Variants in TUSC3 observed in about 807,000 individuals in gnomAD.
TUSC3 encodes the protein tumor suppressor candidate 3.
A neutral mutation model predicts 44.8 loss-of-function variants in TUSC3; 45 were observed. That is an observed-to-expected ratio of 1.00 (90% confidence interval 0.79 to 1.29). The LOEUF is 1.29. TUSC3 is among the 50% of genes most tolerant of loss of function. The pLI is 0.00. For synonymous variants in TUSC3, 212 were observed against 152.9 expected (o/e 1.39, Z -2.85); for missense variants, 519 against 437.9 (o/e 1.19, Z -1.65).
At chr8:15,810,393 T>A in the TUSC3 span, among the ~76,000 whole-genome samples, 1 of 152,170 alleles carries the variant, frequency 6.6e-6, no homozygotes, top group African/African-American at 2.4e-5. Context: ...ATCTCTGCAC[T>A]TTGGGAAGCT....
At chr8:15,532,910 C>T (rs1429933669) in intron 2 of TUSC3, among the ~76,000 whole-genome samples, 1 of 152,148 alleles carries the variant, frequency 6.6e-6, no homozygotes, top group African/African-American at 2.4e-5. Context: ...CTCCTGCCTC[C>T]ACTTCTTGAG....
At chr8:15,803,029 A>C in the TUSC3 span, among the ~76,000 whole-genome samples, 1 of 152,192 alleles carries the variant, frequency 6.6e-6, no homozygotes, top group Non-Finnish European at 1.5e-5. Flanking sequence ...GGCTCAAAGA[A>C]GACAGAGAAT....
intron 1 of TUSC3, among the ~76,000 whole-genome samples, chr8:15,448,763 C>CA (rs1327414234): frequency 2.0e-5 from 3 of 152,030 alleles, no homozygotes; most frequent in African/African-American, 7.2e-5. Context: ...GCATTGTAAA[C>CA]AAAAAAGAGT....
rs1263488491 is a variant in TUSC3 at position 15,472,266 on chromosome 8, T to C, written n.92-11120T>C. Among the ~76,000 whole-genome samples, 4 of 152,192 alleles carry C rather than the reference T, an allele frequency of 2.6e-5. No individual in the cohort carries two copies. The East Asian group carries it at 7.7e-4, about 29-fold the overall frequency. On this transcript the variant is annotated intron_variant and non_coding_transcript_variant, in intron 1 of 5. Transcript: ENST00000503191. ...GAGCTTCCAAAATGTCTGTCTCAAA[T>C]AATTTCTGTAATTTAAAAGCCTGAG... is the stretch of plus-strand genomic sequence containing the variant.
At chr8:15,773,811 C>T in the TUSC3 span, among the ~76,000 whole-genome samples, 25 of 152,260 alleles carry the variant, frequency 1.6e-4, no homozygotes, top group African/African-American at 5.8e-4. Context: ...TGATTTTCAA[C>T]AAGAGTGCCA....
At chr8:15,463,689 C>T (rs1048250143) in intron 1 of TUSC3, among the ~76,000 whole-genome samples, 4 of 152,088 alleles carry the variant, frequency 2.6e-5, no homozygotes, top group African/African-American at 9.7e-5. Flanking sequence ...GTTAAATTAT[C>T]TTTTTCATTC....
At chr8:15,706,441 A>C (rs904921724) in intron 6 of TUSC3, among the ~76,000 whole-genome samples, 1 of 152,082 alleles carries the variant, frequency 6.6e-6, no homozygotes, top group African/African-American at 2.4e-5. Flanking sequence ...TATTGGTTTT[A>C]AGTAAGCCAA....
At chr8:15,510,050 G>C (rs1801111393) in intron 2 of TUSC3, among the ~76,000 whole-genome samples, 2 of 152,088 alleles carry the variant, frequency 1.3e-5, no homozygotes, top group Admixed American at 1.3e-4. Context: ...GTGCACAACT[G>C]TAGTCCTAGC....
intron 1 of TUSC3, among the ~76,000 whole-genome samples, chr8:15,543,273 AT>A (rs1801750864): frequency 6.6e-6 from 1 of 152,188 alleles, no homozygotes; most frequent in Non-Finnish European, 1.5e-5. Flanking sequence ...AGAGTAGTTG[AT>A]TTAGCATGAA....
chr8:15,824,014 G>C, the TUSC3 span, among the ~76,000 whole-genome samples: 1 of 152,122 alleles, frequency 6.6e-6, no homozygotes, highest in African/African-American at 2.4e-5. Context: ...AAAGGTTTTG[G>C]TTCTCAAAAA....
chr8:15,681,218 C>CT (rs71211068), intron 6 of TUSC3, among the ~76,000 whole-genome samples: 113,595 of 147,242 alleles, frequency 0.77, 44,134 homozygotes, highest in Non-Finnish European at 0.82. Context: ...TTCCGTCCTC[C>CT]TTTTTTTTTG....
intron 6 of TUSC3, among the ~76,000 whole-genome samples, chr8:15,712,911 T>G (rs1381905983): frequency 2.0e-5 from 3 of 152,166 alleles, no homozygotes; most frequent in Admixed American, 2.0e-4. Flanking sequence ...CAGTTCAGTC[T>G]GGCTCCTTTA....
chr8:15,641,088 C>T (rs542622989), intron 2 of TUSC3, among the ~76,000 whole-genome samples: 13 of 152,046 alleles, frequency 8.6e-5, no homozygotes, highest in East Asian at 1.9e-4. Context: ...AGGCCGGGCG[C>T]GGTGGCTCAC....
the TUSC3 span, among the ~76,000 whole-genome samples, chr8:15,845,155 G>A: frequency 2.6e-5 from 4 of 152,116 alleles, no homozygotes; most frequent in African/African-American, 7.2e-5. Flanking sequence ...ATTAACTTTA[G>A]GAGGTGATTT....
intron 1 of TUSC3, among the ~76,000 whole-genome samples, chr8:15,587,701 A>G (rs1585128996): frequency 6.6e-6 from 1 of 152,014 alleles, no homozygotes; most frequent in Non-Finnish European, 1.5e-5. Context: ...GTATGTATTA[A>G]CCAACCTCAC....
the TUSC3 span, among the ~76,000 whole-genome samples, chr8:15,818,982 G>A: frequency 6.6e-6 from 1 of 152,078 alleles, no homozygotes; most frequent in African/African-American, 2.4e-5. Flanking sequence ...CTGGTGCCTT[G>A]GGAGGCTGAG....
chr8:15,596,418 T>C (rs1457740469), intron 1 of TUSC3, among the ~76,000 whole-genome samples: 2 of 152,146 alleles, frequency 1.3e-5, no homozygotes, highest in Non-Finnish European at 2.9e-5. Context: ...AGACCCTGTG[T>C]TCCTGGATGC....
At chr8:15,582,311 G>T (rs1803400311) in intron 1 of TUSC3, among the ~76,000 whole-genome samples, 1 of 152,192 alleles carries the variant, frequency 6.6e-6, no homozygotes, top group Admixed American at 6.5e-5. Context: ...AGCTGTTCCT[G>T]TTCAGCCATC....
chr8:15,844,276 A>G, the TUSC3 span, among the ~76,000 whole-genome samples: 3 of 152,206 alleles, frequency 2.0e-5, no homozygotes, highest in African/African-American at 7.2e-5. Flanking sequence ...TACTTCCCTT[A>G]GTTATTAATT....
Sources: gnomAD v4.1 joint callset for allele counts (sites outside exome capture counted in the v4.1 genomes callset) on GRCh38, gnomAD v4.1.1 for gene constraint, MANE v1.5 for transcripts, NCBI Gene and HGNC (gene_info 2026-07-23, HGNC 2026-07-21) for gene names.